Variants in RNF213 observed in about 807,000 individuals in gnomAD.
RNF213 encodes E3 ubiquitin-protein ligase RNF213.
A neutral mutation model predicts 514.4 loss-of-function variants in RNF213; 341 were observed. That is an observed-to-expected ratio of 0.66 (90% CI 0.61 to 0.73). The LOEUF (loss-of-function observed/expected upper bound fraction) is 0.73, where lower values mean the gene tolerates loss of function less well. RNF213 is among the 30% of genes least tolerant of loss of function. The probability of loss-of-function intolerance (pLI) is 0.00; values close to 1 mark genes in which losing one functional copy is unlikely to be tolerated. For synonymous variants in RNF213, 2,655 were observed against 2,658.2 expected (o/e 1.00, Z 0.04); for missense variants, 5,767 against 6,615.6 (o/e 0.87, Z 4.45).
rs566785729 is a variant in RNF213, at chr17:80,346,470, C to T, written c.8135C>T (p.Pro2712Leu). The T allele has an allele frequency of 7.5e-5, 121 of 1,613,850 alleles. No homozygotes were observed. Among genetic ancestry groups the T allele is most frequent in the Non-Finnish European group, 9.1e-5 (107 of 1,180,034 alleles). ...SYRKAIARFF[P>L]KPYDDSRLLL... is the part of the protein sequence containing the mutation. ...CGGAAAGCCATCGCCAGGTTCTTTCCGAAACCGTATGACGACAGCAGGCTG... is the reference window on the plus strand; with the variant it reads ...CGGAAAGCCATCGCCAGGTTCTTTCTGAAACCGTATGACGACAGCAGGCTG... The change falls in exon 29 of 68, where the codon CCG becomes CTG. Residue 2712 changes from proline (P) to leucine (L), a missense_variant. Coordinates refer to ENST00000582970, the MANE Select transcript of RNF213 (RefSeq NM_001256071.3). This position sits in a 1 kb window ranked among gnomAD's most constrained non-coding sequence, Gnocchi z 8.1.
At chr17:80,281,407 C>T (rs1185758441) in intron 3 of RNF213, among the ~76,000 whole-genome samples, 1 of 76,390 alleles carries the variant, frequency 1.3e-5, no homozygotes, top group African/African-American at 4.2e-5. Context: ...TTACACACCC[C>T]CAAGACAAAC....
chr17:80,285,770 A>G (rs1157514276), intron 3 of RNF213, among the ~76,000 whole-genome samples: 1 of 150,910 alleles, frequency 6.6e-6, no homozygotes, highest in Non-Finnish European at 1.5e-5. Context: ...TCCCGGGTTC[A>G]AGCAATTCTC....
intron 21 of RNF213, among the ~76,000 whole-genome samples, chr17:80,333,311 T>C (rs2046470421): frequency 6.6e-6 from 1 of 151,220 alleles, no homozygotes; most frequent in East Asian, 2.0e-4. Context: ...CCACCCACCG[T>C]GGCCTCCCAA....
At chr17:80,385,294 C>T (rs1001394442) in intron 60 of RNF213, 123 bp downstream of exon 60, 2 of 1,251,104 alleles carry the variant, frequency 1.6e-6, no homozygotes, top group African/African-American at 3.0e-5. Flanking sequence ...ATAGCCTAAG[C>T]CCTTACCATG....
At position 80,386,310 on chromosome 17, in the gene RNF213, A is replaced by G; in HGVS notation, c.14600A>G (p.Glu4867Gly). Reference sequence around the variant, plus strand: ...GACTTGGATCTGGACACTGAGTTTGAGATCCTCTTGCCACGCCGACGGGGC... The same window carrying G: ...GACTTGGATCTGGACACTGAGTTTGGGATCCTCTTGCCACGCCGACGGGGC... ...STDLDLDTEFEILLPRRRGLG... is the reference protein window; with the variant it reads ...STDLDLDTEFGILLPRRRGLG... Residue 4867 changes from glutamate (E) to glycine (G), a missense_variant, in exon 62 of 68, where the codon GAG (glutamate) becomes GGG (glycine). By Grantham distance (98) the Glu-to-Gly change is moderately conservative. This residue lies in a region of RNF213 where 1,245 missense variants were observed against 1,339.0 expected (regional missense o/e 0.93). Coordinates refer to ENST00000582970, the MANE Select transcript of RNF213 (RefSeq NM_001256071.3). 6.2e-7 allele frequency: 1 copy of G among 1,613,672 alleles called. No homozygotes were observed. Among genetic ancestry groups the G allele is most frequent in the Non-Finnish European group, 8.5e-7 (1 of 1,180,006 alleles).
At chr17:80,329,185 G>A (rs1014518625) in intron 20 of RNF213, among the ~76,000 whole-genome samples, 1 of 152,122 alleles carries the variant, frequency 6.6e-6, no homozygotes, top group Non-Finnish European at 1.5e-5. Flanking sequence ...CCCCTCCCCC[G>A]CTACTCACTC....
At chr17:80,385,300 C>T (rs1406015723) in intron 60 of RNF213, 129 bp downstream of exon 60, 6 of 1,198,350 alleles carry the variant, frequency 5.0e-6, no homozygotes, top group Non-Finnish European at 7.3e-6. Context: ...TAAGCCCTTA[C>T]CATGCGGTGA....
intron 11 of RNF213, among the ~76,000 whole-genome samples, chr17:80,303,583 T>G (rs1353483192): frequency 6.8e-6 from 1 of 146,822 alleles, no homozygotes; most frequent in Non-Finnish European, 1.5e-5. Context: ...TTTTTTTTTT[T>G]GAGACAGTCC....
chr17:80,339,561 A>T lies in RNF213; in HGVS notation c.5194A>T (p.Ile1732Phe), dbSNP rs1025474234. ...TGCCGCCCTAACGATGCTATCCTTCATCAAAAGCAACTGCACCCTGAGGGA... is the reference window on the plus strand; with the variant it reads ...TGCCGCCCTAACGATGCTATCCTTCTTCAAAAGCAACTGCACCCTGAGGGA... ...SDAALTMLSF[I>F]KSNCTLRDVL... Residue 1732 changes from isoleucine to phenylalanine, a missense_variant, in exon 26 of 68, where the codon ATC (isoleucine) becomes TTC (phenylalanine). Coordinates refer to ENST00000582970, the MANE Select transcript of RNF213 (RefSeq NM_001256071.3). The T allele has an allele frequency of 6.9e-5, 106 of 1,537,194 alleles. No homozygotes were observed. In the Admixed American group the frequency reaches 1.6e-3, roughly 23 times the overall value.
At position 80,337,882 on chromosome 17, in the gene RNF213, G is replaced by A. The variant is rs868570128; in HGVS notation, c.4718G>A (p.Ser1573Asn). ...LHLILPESPG[S>N]HEESREYSLE... Reference sequence around the variant, plus strand: ...TTGATCCTTCCTGAGAGCCCTGGCAGCCACGAGGAGTCACGAGAGTACTCT... The same window carrying A: ...TTGATCCTTCCTGAGAGCCCTGGCAACCACGAGGAGTCACGAGAGTACTCT... Residue 1573 changes from serine (S) to asparagine (N), a missense_variant, in exon 25 of 68, where the codon AGC (serine) becomes AAC (asparagine). Ser to Asn is a conservative substitution (Grantham distance 46). This residue lies in a region of RNF213 where 1,377 missense variants were observed against 1,635.2 expected (regional missense o/e 0.84). Coordinates refer to ENST00000582970, the MANE Select transcript of RNF213 (RefSeq NM_001256071.3). The A allele has an allele frequency of 3.9e-6, 6 of 1,537,198 alleles. No homozygotes were observed. The Admixed American group carries it at 5.9e-5, about 15-fold the overall frequency.
In RNF213 at chr17:80,389,903, C is replaced by T; in HGVS notation, c.15271C>T (p.Leu5091=). The stretch of plus-strand genomic sequence containing the variant: ...GTCTGCTCATAAGTCTGAACAGCTG[C>T]TGCGGCTGCACAAAGTAAGTCTGGT... ...FLSAHKSEQL[L]RLHKEPFGEI... Residue 5091 remains leucine (L), a synonymous_variant, in exon 66 of 68, where the codon CTG becomes TTG. Coordinates refer to ENST00000582970, the MANE Select transcript of RNF213 (RefSeq NM_001256071.3). 6 of 1,614,190 alleles carry T rather than the reference C, an allele frequency of 3.7e-6. No individual in the cohort carries two copies. The highest frequency in any genetic ancestry group is 5.1e-6 in the Non-Finnish European group (6 of 1,180,026).
Position 80,317,184 on chromosome 17 carries a change from G to T in RNF213, c.2812-4G>T. The T allele has an allele frequency of 6.2e-7, 1 of 1,611,212 alleles. No homozygotes were observed. Among genetic ancestry groups the T allele is most frequent in the Non-Finnish European group, 8.5e-7 (1 of 1,179,334 alleles). ...TGGGTGTGACCTGTGTGCGGGTTTT[G>T]CAGGTCTGGAGGCGGCTGGTGGAAA... On this transcript the variant is annotated splice_region_variant and splice_polypyrimidine_tract_variant and intron_variant, in intron 15 of 67. Coordinates refer to ENST00000582970, the MANE Select transcript of RNF213 (RefSeq NM_001256071.3). This position sits in a 1 kb window ranked among gnomAD's most constrained non-coding sequence, Gnocchi z 4.1.
At chr17:80,286,228 C>T (rs1276482675) in intron 3 of RNF213, among the ~76,000 whole-genome samples, 1 of 145,188 alleles carries the variant, frequency 6.9e-6, no homozygotes, top group Non-Finnish European at 1.5e-5. Context: ...GGACGCAGGC[C>T]GAGCGGGAGG....
In RNF213 at chr17:80,325,247, T is replaced by G. The variant is rs1262430290; in HGVS notation, c.3193+49T>G. 3 of 1,479,786 alleles carry G rather than the reference T, an allele frequency of 2.0e-6. No homozygotes were observed. In the African/African-American group the frequency reaches 4.2e-5, roughly 21 times the overall value. The allele number at this position is 1,479,786 out of a possible 1,614,324, so 91.7% of individuals were successfully genotyped here. A position where few individuals can be genotyped will look rare whatever the true frequency, so the allele number is the denominator to read the frequency against. On this transcript the variant is annotated intron_variant, in intron 18 of 67. Coordinates refer to ENST00000582970, the MANE Select transcript of RNF213 (RefSeq NM_001256071.3). Reference sequence around the variant, plus strand: ...ACATCAGCTCAGGCAAGGTGGTGTCTTCCTGATTGGGAAAGGTGGGAGGCA... The same window carrying G: ...ACATCAGCTCAGGCAAGGTGGTGTCGTCCTGATTGGGAAAGGTGGGAGGCA...
chr17:80,339,694 A>G lies in RNF213; in HGVS notation c.5327A>G (p.Asp1776Gly), dbSNP rs1351925539. The change falls in exon 26 of 68, where the codon GAC becomes GGC. Residue 1776 changes from aspartate to glycine, a missense_variant. Around this residue, in one of 13 missense-constraint regions of RNF213, gnomAD observed 1,377 missense variants for 1,635.2 expected, o/e 0.84. Coordinates refer to ENST00000582970, the MANE Select transcript of RNF213 (RefSeq NM_001256071.3). ...CTCTTATCAGAGTTCAGCCTGGTGG[A>G]CAAGCTGAGGATCATCATGGAGCAG... The part of the protein sequence containing the change: ...LMLLSEFSLV[D>G]KLRIIMEQSM... The G allele has an allele frequency of 6.5e-7, 1 of 1,537,000 alleles. No individual in the cohort carries two copies. Among genetic ancestry groups the G allele is most frequent in the East Asian group, 2.4e-5 (1 of 40,918 alleles).
chr17:80,385,648 A>C, intron 61 of RNF213, 27 bp downstream of exon 61: 2 of 1,597,964 alleles, frequency 1.3e-6, no homozygotes, highest in Non-Finnish European at 1.7e-6. Context: ...CTGTACCACT[A>C]AGCGTTCCAG....
intron 37 of RNF213, among the ~76,000 whole-genome samples, chr17:80,359,556 TGA>T (rs754572817): frequency 2.6e-5 from 2 of 78,388 alleles, no homozygotes; most frequent in Admixed American, 1.4e-4. Flanking sequence ...AAAAAAAGAG[TGA>T]GAGAGGGAGG....
At chr17:80,303,191 G>C (rs1374330155) in intron 11 of RNF213, among the ~76,000 whole-genome samples, 1 of 152,200 alleles carries the variant, frequency 6.6e-6, no homozygotes, top group African/African-American at 2.4e-5. Context: ...ACATCAGTAA[G>C]TCCTATTGAT....
chr17:80,337,882 G>C lies in RNF213; in HGVS notation c.4718G>C (p.Ser1573Thr). 6.5e-7 allele frequency: 1 copy of C among 1,537,316 alleles called. No individual in the cohort carries two copies. The highest frequency in any genetic ancestry group is 8.7e-7 in the Non-Finnish European group (1 of 1,146,924). ...LHLILPESPG[S>T]HEESREYSLE... ...TTGATCCTTCCTGAGAGCCCTGGCA[G>C]CCACGAGGAGTCACGAGAGTACTCT... The change falls in exon 25 of 68, where the codon AGC becomes ACC. Residue 1573 changes from serine (S) to threonine (T), a missense_variant. Ser to Thr is a moderately conservative substitution (Grantham distance 58). Coordinates refer to ENST00000582970, the MANE Select transcript of RNF213 (RefSeq NM_001256071.3).
Sources: gnomAD v4.1 joint callset for allele counts (sites outside exome capture counted in the v4.1 genomes callset) on GRCh38, gnomAD v4.1.1 for gene constraint, gnomAD v4.1.1 regional missense constraint, Gnocchi (gnomAD v3.1) non-coding constraint, MANE v1.5 for transcripts, NCBI Gene and HGNC (gene_info 2026-07-23, HGNC 2026-07-21) for gene names.